The following PROM1 variants were observed in gnomAD, a reference collection of about 807,000 sequenced individuals.
PROM1 encodes prominin-1.
A neutral mutation model predicts 116.9 loss-of-function variants in PROM1; 105 were observed. The ratio of observed to expected loss-of-function variants is 0.90; its 90% CI spans 0.77 to 1.06. PROM1 has a LOEUF of 1.06. Ranked by LOEUF, PROM1 falls within the 50% of genes least tolerant of loss-of-function variation. The probability of loss-of-function intolerance (pLI) is 0.00; values close to 1 mark genes in which losing one functional copy is unlikely to be tolerated. For missense variants in PROM1, 1,122 were observed against 1,045.2 expected (o/e 1.07, Z -1.01); for synonymous variants, 393 against 387.0 (o/e 1.02, Z -0.18).
intron 5 of PROM1, 59 bp from the exon 6 acceptor site, chr4:16,025,371 C>G (rs200555094): frequency 3.3e-5 from 53 of 1,596,924 alleles, no homozygotes; most frequent in Non-Finnish European, 4.4e-5. Context: ...GGTTCTTTGT[C>G]CAGGTCCAGG....
At position 15,968,481 on chromosome 4, in the gene PROM1, CTAAGA is replaced by C. The variant is rs1713612737; in HGVS notation, c.*907_*911del. On this transcript the variant is annotated 3_prime_UTR_variant, in exon 28 of 28. Coordinates refer to ENST00000447510, the MANE Select transcript of PROM1 (RefSeq NM_006017.3). Reference sequence around the variant, plus strand: ...GTTTCATCCATGCTGGACACCAGATCTAAGAATTGTGACAGGATCTTCTCATATTT... The same window carrying C: ...GTTTCATCCATGCTGGACACCAGATCATTGTGACAGGATCTTCTCATATTT... 6.6e-6 allele frequency: 1 copy of C among 152,220 alleles called. No homozygotes were observed. The highest frequency in any genetic ancestry group is 2.1e-4 in the South Asian group (1 of 4,830). 9.4% of individuals were successfully genotyped at this position (152,220 alleles called of 1,614,324 possible).
At chr4:16,033,215 A>C in intron 5 of PROM1, 89 bp downstream of exon 5, 3 of 1,130,840 alleles carry the variant, frequency 2.7e-6, no homozygotes, top group Non-Finnish European at 2.5e-6. Context: ...TATTTTGTTT[A>C]GTTTTAAACT....
At chr4:16,065,884 A>C (rs532077430) in intron 2 of PROM1, among the ~76,000 whole-genome samples, 1 of 152,314 alleles carries the variant, frequency 6.6e-6, no homozygotes, top group African/African-American at 2.4e-5. Context: ...TTGCAGACAT[A>C]ATTAAGTATC....
At chr4:16,012,248 T>C (rs1727064038) in intron 11 of PROM1, among the ~76,000 whole-genome samples, 1 of 152,130 alleles carries the variant, frequency 6.6e-6, no homozygotes, top group Non-Finnish European at 1.5e-5. Flanking sequence ...CTACCCGCCT[T>C]GGCCTCCCAA....
chr4:16,079,698 G>A (rs10001037), intron 1 of PROM1, among the ~76,000 whole-genome samples: 2,655 of 152,172 alleles, frequency 0.017, 69 homozygotes, highest in African/African-American at 0.061. Flanking sequence ...TTTTTAACAA[G>A]CTTTCCTGGG....
chr4:16,077,073 C>T (rs548502776), intron 1 of PROM1, among the ~76,000 whole-genome samples: 1 of 152,218 alleles, frequency 6.6e-6, no homozygotes, highest in African/African-American at 2.4e-5. Flanking sequence ...GTCCCCCAGC[C>T]CGACACCCGT....
Position 16,025,083 on chromosome 4 carries a change from C to G in PROM1, c.630+109G>C, listed in dbSNP as rs1019676714. On this transcript the variant is annotated intron_variant, in intron 6 of 27. Coordinates refer to ENST00000447510, the MANE Select transcript of PROM1 (RefSeq NM_006017.3). ...CATTAACAGATAACACCAGTCTACG[C>G]TGATTCACTGTGTTTCTAGAAGGTT... 3.7e-6 allele frequency: 5 copies of G among 1,336,636 alleles called. No individual in the cohort carries two copies. The African/African-American group carries it at 5.9e-5, about 16-fold the overall frequency. The allele number at this position is 1,336,636 out of a possible 1,614,324, so 82.8% of individuals were successfully genotyped here.
chr4:16,018,504 T>C lies in PROM1; in HGVS notation c.821A>G (p.Asn274Ser). ...KETKEALENM[N>S]STLKSLHQQS... ...TTGGTGCAAGCTCTTCAAGGTGCTG[T>C]TCATGTTCTCCAACGCCTCTTTGGT... The change falls in exon 9 of 28, where the codon AAC (asparagine) becomes AGC (serine). Residue 274 changes from asparagine (N) to serine (S), a missense_variant. Coordinates refer to ENST00000447510, the MANE Select transcript of PROM1 (RefSeq NM_006017.3). 1.2e-6 allele frequency: 2 copies of C among 1,612,142 alleles called. No homozygotes were observed. The highest frequency in any genetic ancestry group is 1.7e-6 in the Non-Finnish European group (2 of 1,179,608).
intron 18 of PROM1, 63 bp downstream of exon 18, chr4:15,991,159 G>A (rs920435289): frequency 2.9e-6 from 4 of 1,377,346 alleles, no homozygotes; most frequent in Non-Finnish European, 4.1e-6. Context: ...GCTTCCCTAA[G>A]AATGGTACTG....
intron 4 of PROM1, among the ~76,000 whole-genome samples, chr4:16,035,461 C>G (rs2292804): frequency 0.74 from 112,105 of 152,086 alleles, 41,708 homozygotes; most frequent in Middle Eastern, 0.82. Flanking sequence ...GAACAAGATA[C>G]GGCATTTCAA....
chr4:16,032,670 A>G (rs1414480762), intron 5 of PROM1, among the ~76,000 whole-genome samples: 1 of 152,194 alleles, frequency 6.6e-6, no homozygotes, highest in Non-Finnish European at 1.5e-5. Flanking sequence ...TGGACTCGAA[A>G]AAACGTCATC....
chr4:16,023,537 C>T lies in PROM1; in HGVS notation c.695-122G>A, dbSNP rs1030648754. ...GCAAAACCCATTTGCATCCTGGACC[C>T]TGTCTAGGGGTTAAACTCGTGTATG... is the stretch of plus-strand genomic sequence containing the variant. On this transcript the variant is annotated intron_variant, in intron 7 of 27. Transcript: ENST00000447510. The T allele has an allele frequency of 4.2e-6, 3 of 718,084 alleles. No individual in the cohort carries two copies. In the African/African-American group the frequency reaches 5.3e-5, roughly 13 times the overall value. The allele number at this position is 718,084 out of a possible 1,614,324, so 44.5% of individuals were successfully genotyped here.
chr4:16,028,820 T>C (rs898860121), intron 5 of PROM1, among the ~76,000 whole-genome samples: 3 of 152,236 alleles, frequency 2.0e-5, no homozygotes, highest in African/African-American at 7.2e-5. Flanking sequence ...TTTTAAGCAG[T>C]ACAACAAAAT....
intron 12 of PROM1, among the ~76,000 whole-genome samples, chr4:16,006,914 C>T (rs1369498187): frequency 2.0e-5 from 3 of 152,194 alleles, no homozygotes; most frequent in African/African-American, 7.2e-5. Flanking sequence ...TCTAGGTTTG[C>T]ATTGTTCCTG....
intron 2 of PROM1, among the ~76,000 whole-genome samples, chr4:16,064,984 T>C (rs1231327443): frequency 3.9e-5 from 6 of 152,236 alleles, no homozygotes; most frequent in Non-Finnish European, 5.9e-5. Context: ...CTGGTGATGC[T>C]GATGCTGTTG....
At chr4:16,016,820 T>C (rs1318730660) in intron 9 of PROM1, among the ~76,000 whole-genome samples, 1 of 152,100 alleles carries the variant, frequency 6.6e-6, no homozygotes, top group Non-Finnish European at 1.5e-5. Context: ...ACAAAGTAAA[T>C]GGCCTGTTCA....
At chr4:16,056,633 T>G in intron 2 of PROM1, among the ~76,000 whole-genome samples, 1 of 145,014 alleles carries the variant, frequency 6.9e-6, no homozygotes. Context: ...GAGCAAAGGC[T>G]GGAAAGAAAC....
intron 11 of PROM1, 133 bp from the exon 12 acceptor site, chr4:16,009,241 G>C: frequency 1.4e-6 from 1 of 724,944 alleles, no homozygotes; most frequent in Non-Finnish European, 2.3e-6. Context: ...AATATGGTAA[G>C]ATTCTTCAAC....
At chr4:16,039,954 G>T (rs1158569925) in intron 2 of PROM1, among the ~76,000 whole-genome samples, 1 of 152,040 alleles carries the variant, frequency 6.6e-6, no homozygotes, top group African/African-American at 2.4e-5. Context: ...GGACAGAGAG[G>T]GTGACATAGT....
Sources: gnomAD v4.1 joint callset for allele counts (sites outside exome capture counted in the v4.1 genomes callset) on GRCh38, gnomAD v4.1.1 for gene constraint, MANE v1.5 for transcripts, NCBI Gene and HGNC (gene_info 2026-07-23, HGNC 2026-07-21) for gene names.